LAMP1: variants seen among roughly 807,000 people sequenced by gnomAD.
The protein encoded by LAMP1 is lysosome-associated membrane glycoprotein 1.
A neutral mutation model predicts 37.5 loss-of-function variants in LAMP1; 7 were observed. The observed-to-expected ratio is 0.19, with a 90% CI of 0.11 to 0.35. The LOEUF (loss-of-function observed/expected upper bound fraction) is 0.35. Ranked by LOEUF, LAMP1 falls within the 10% of genes least tolerant of loss-of-function variation. The probability of loss-of-function intolerance (pLI) is 1.00; values close to 1 mark genes in which losing one functional copy is unlikely to be tolerated. For missense variants in LAMP1, 537 were observed against 552.8 expected, an observed-to-expected ratio of 0.97 and a Z score of 0.29; for synonymous variants, 236 against 229.1, an observed-to-expected ratio of 1.03 and a Z score of -0.27.
chr13:113,302,131 G>A (rs932890103), intron 1 of LAMP1, among the ~76,000 whole-genome samples: 1 of 151,998 alleles, frequency 6.6e-6, no homozygotes, highest in Non-Finnish European at 1.5e-5. Flanking sequence ...CCAAAGTGCT[G>A]GGATTACAGG....
At position 113,319,589 on chromosome 13, in the gene LAMP1, A is replaced by G. The variant is rs1382329977; in HGVS notation, c.683A>G (p.Asn228Ser). Reference sequence around the variant, plus strand: ...GACAAGTACAACGTGAGCGGCACCAACGGGACCTGCCTGCTGGCCAGCATG... The same window carrying G: ...GACAAGTACAACGTGAGCGGCACCAGCGGGACCTGCCTGCTGGCCAGCATG... ...SVDKYNVSGTNGTCLLASMGL... is the reference protein window; with the variant it reads ...SVDKYNVSGTSGTCLLASMGL... Residue 228 changes from asparagine to serine, a missense_variant, in exon 5 of 9, where the codon AAC becomes AGC. Transcript: ENST00000332556. 9 of 1,613,722 alleles carry G rather than the reference A, an allele frequency of 5.6e-6. No individual in the cohort carries two copies. The highest frequency in any genetic ancestry group is 5.9e-6 in the Non-Finnish European group (7 of 1,179,978).
Position 113,306,504 on chromosome 13 carries a change from A to G in LAMP1, c.81A>G (p.Ser27=), listed in dbSNP as rs751917334. Reference sequence around the variant, plus strand: ...TGACAGGCCTCATGCATTGTGCGTCAGCAGCAATGTTTATGGTGAAAAATG... The same window carrying G: ...TGACAGGCCTCATGCATTGTGCGTCGGCAGCAATGTTTATGGTGAAAAATG... ...LLLLGLMHCA[S]AAMFMVKNGN... The change falls in exon 2 of 9, where the codon TCA becomes TCG. Residue 27 remains serine (S), a synonymous_variant. Coordinates refer to ENST00000332556, the MANE Select transcript of LAMP1 (RefSeq NM_005561.4). The G allele has an allele frequency of 1.2e-6, 2 of 1,614,116 alleles. No individual in the cohort carries two copies. Among genetic ancestry groups the G allele is most frequent in the Admixed American group, 3.3e-5 (2 of 60,006 alleles).
At chr13:113,316,484 G>A (rs961484258) in intron 4 of LAMP1, among the ~76,000 whole-genome samples, 51 of 149,066 alleles carry the variant, frequency 3.4e-4, no homozygotes, top group African/African-American at 1.1e-3. Flanking sequence ...GTGCAGTGGC[G>A]TGATCTCTGC....
chr13:113,299,660 T>C (rs897008171), intron 1 of LAMP1, among the ~76,000 whole-genome samples: 21 of 151,338 alleles, frequency 1.4e-4, no homozygotes, highest in African/African-American at 4.6e-4. Flanking sequence ...CCTCCGCCTC[T>C]TGTGTTCAAG....
Position 113,320,274 on chromosome 13 carries a change from G to T in LAMP1, c.751-71G>T. 1 of 1,585,230 alleles carries T rather than the reference G, an allele frequency of 6.3e-7. No individual in the cohort carries two copies. The highest frequency in any genetic ancestry group is 1.1e-5 in the South Asian group (1 of 90,286). On this transcript the variant is annotated intron_variant, in intron 5 of 8. Transcript: ENST00000332556. This position sits in a 1 kb window ranked among gnomAD's most constrained non-coding sequence, Gnocchi z 4.4. ...ATGTGGCCTTGAATTCACGGTTTCA[G>T]GACTGTTTGTCTTTTCGAGAGTGTG...
rs1304390442 is a variant in LAMP1 at position 113,321,335 on chromosome 13, A to C, written c.877-69A>C. 3.2e-6 allele frequency: 4 copies of C among 1,235,320 alleles called. No homozygotes were observed. Among genetic ancestry groups the C allele is most frequent in the Non-Finnish European group, 4.8e-6 (4 of 834,816 alleles). The allele number at this position is 1,235,320 out of a possible 1,614,324, so 76.5% of individuals were successfully genotyped here. On this transcript the variant is annotated intron_variant, in intron 6 of 8. Coordinates refer to ENST00000332556, the MANE Select transcript of LAMP1 (RefSeq NM_005561.4). The surrounding 1 kb of genome is among the most constrained non-coding windows in gnomAD (Gnocchi z 5.6). ...TTCACGTTTGATGATAAATGTGTGA[A>C]TCTACTGGGGTTAAAGATCATCTTT...
chr13:113,318,652 A>T (rs1311636387), intron 4 of LAMP1, among the ~76,000 whole-genome samples: 1 of 152,144 alleles, frequency 6.6e-6, no homozygotes, highest in Non-Finnish European at 1.5e-5. Flanking sequence ...AGTCACATTC[A>T]GACTGCTGGG....
At chr13:113,299,194 A>G (rs73582807) in intron 1 of LAMP1, among the ~76,000 whole-genome samples, 8,418 of 152,222 alleles carry the variant, frequency 0.055, 746 homozygotes, top group African/African-American at 0.19. Flanking sequence ...ATAACTCCCT[A>G]ATATTGTGAT....
rs2042554618 is a variant in LAMP1 at position 113,298,539 on chromosome 13, CCTTGA to C, written c.61+1048_61+1052del. Among the ~76,000 whole-genome samples the C allele has an allele frequency of 3.3e-5, 5 of 152,214 alleles. No individual in the cohort carries two copies. The South Asian group carries it at 1.0e-3, about 32-fold the overall frequency. The stretch of plus-strand genomic sequence containing the variant: ...AGAAATACACTCCTGTACACATCTG[CCTTGA>C]CTTCTTTAAATCCCTCAGTCCCATC... On this transcript the variant is annotated intron_variant, in intron 1 of 8. Coordinates refer to ENST00000332556, the MANE Select transcript of LAMP1 (RefSeq NM_005561.4).
chr13:113,301,671 ATATATATATATATATATATAT>A (rs2042574926), intron 1 of LAMP1, among the ~76,000 whole-genome samples: 1 of 109,724 alleles, frequency 9.1e-6, no homozygotes, highest in Non-Finnish European at 1.9e-5. Flanking sequence ...ATATATATAT[ATATATATATATATATATATAT>A]TTACACACAC....
At position 113,319,338 on chromosome 13, in the gene LAMP1, GAGA is replaced by G. The variant is rs2042684241; in HGVS notation, c.563-130_563-128del. 2.7e-5 allele frequency: 22 copies of G among 808,918 alleles called. No homozygotes were observed. The East Asian group carries it at 5.9e-4, about 22-fold the overall frequency. The allele number at this position is 808,918 out of a possible 1,614,324, so 50.1% of individuals were successfully genotyped here. A position where few individuals can be genotyped will look rare whatever the true frequency, so the allele number is the denominator to read the frequency against. Reference sequence around the variant, plus strand: ...AAGGCATTAGCGAGAGCCACCTTGGGAGACTGAGAAAATAGTCACCAAGGACGC... The same window carrying G: ...AAGGCATTAGCGAGAGCCACCTTGGGCTGAGAAAATAGTCACCAAGGACGC... On this transcript the variant is annotated intron_variant, in intron 4 of 8. Transcript: ENST00000332556.
chr13:113,316,995 AAGAG>A lies in LAMP1; in HGVS notation c.563-2471_563-2468del, dbSNP rs1232267387. Among the ~76,000 whole-genome samples the A allele has an allele frequency of 6.6e-5, 10 of 152,274 alleles. No individual in the cohort carries two copies. In the South Asian group the frequency reaches 1.7e-3, roughly 25 times the overall value. On this transcript the variant is annotated intron_variant, in intron 4 of 8. Transcript: ENST00000332556. ...ACCCAACATTGTCACAAAAAACTGT[AAGAG>A]AGGCTGTGGGAGCTATGAGTCGGGA...
rs1002296725 is a variant in LAMP1 at position 113,306,737 on chromosome 13, GTGT to G, written c.183+135_183+137del. On this transcript the variant is annotated intron_variant, in intron 2 of 8. Transcript: ENST00000332556. ...TTTCCTATCTGCATATCTCCTTCTG[GTGT>G]TGTCAGTAACCTGCGCTGTCATGTG... is the stretch of plus-strand genomic sequence containing the variant. 43 of 995,766 alleles carry G rather than the reference GTGT, an allele frequency of 4.3e-5. No homozygotes were observed. The African/African-American group carries it at 6.7e-4, about 16-fold the overall frequency. 61.7% of individuals were successfully genotyped at this position (995,766 alleles called of 1,614,324 possible).
intron 4 of LAMP1, among the ~76,000 whole-genome samples, chr13:113,314,318 T>C (rs1404733876): frequency 3.3e-5 from 4 of 121,278 alleles, no homozygotes; most frequent in Non-Finnish European, 3.3e-5. Flanking sequence ...CGTGGCCTCC[T>C]GGAGGGAGCC....
At chr13:113,316,654 C>A (rs986054655) in intron 4 of LAMP1, among the ~76,000 whole-genome samples, 1 of 152,068 alleles carries the variant, frequency 6.6e-6, no homozygotes, top group Non-Finnish European at 1.5e-5. Flanking sequence ...ATCTCCTGAC[C>A]TCGTGATCCG....
intron 2 of LAMP1, among the ~76,000 whole-genome samples, chr13:113,309,289 T>TG (rs1189958381): frequency 6.6e-6 from 1 of 151,878 alleles, no homozygotes; most frequent in African/African-American, 2.4e-5. Context: ...TTTGTAGAGA[T>TG]GGGGTCTTGC....
intron 4 of LAMP1, among the ~76,000 whole-genome samples, chr13:113,315,793 C>G (rs1214187052): frequency 6.6e-6 from 1 of 152,008 alleles, no homozygotes; most frequent in Admixed American, 6.6e-5. Flanking sequence ...ACCTTCCTTC[C>G]TGAGTATCTT....
intron 1 of LAMP1, among the ~76,000 whole-genome samples, chr13:113,303,001 T>G (rs1226876935): frequency 6.6e-6 from 1 of 152,202 alleles, no homozygotes; most frequent in Non-Finnish European, 1.5e-5. Flanking sequence ...GTTTTTGATG[T>G]TTTGTGTCAG....
chr13:113,310,049 C>T (rs538564695), intron 3 of LAMP1, among the ~76,000 whole-genome samples, 187 bp downstream of exon 3: 31 of 151,488 alleles, frequency 2.0e-4, no homozygotes, highest in African/African-American at 7.3e-4. Flanking sequence ...GCCAACATTG[C>T]GAAACACTGT....
Sources: gnomAD v4.1 joint callset for allele counts (sites outside exome capture counted in the v4.1 genomes callset) on GRCh38, gnomAD v4.1.1 for gene constraint, Gnocchi (gnomAD v3.1) non-coding constraint, MANE v1.5 for transcripts, NCBI Gene and HGNC (gene_info 2026-07-23, HGNC 2026-07-21) for gene names.